Variants in TAS1R1 observed in about 807,000 individuals in gnomAD.
The protein encoded by TAS1R1 is taste 1 receptor member 1, also known as taste receptor type 1 member 1.
TAS1R1 carries 31 observed loss-of-function variants against 45.8 expected under a neutral mutation model. The observed-to-expected ratio is 0.68, with a 90% CI of 0.51 to 0.91. The LOEUF (loss-of-function observed/expected upper bound fraction) is 0.91, where lower values mean the gene tolerates loss of function less well. TAS1R1 is among the 40% of genes least tolerant of loss of function. TAS1R1 has a pLI of 0.00. For synonymous variants in TAS1R1, 437 were observed against 448.4 expected (o/e 0.97, Z 0.32); for missense variants, 1,051 against 1,063.9 (o/e 0.99, Z 0.17).
chr1:6,567,692 C>T (rs141852017), intron 1 of TAS1R1, among the ~76,000 whole-genome samples: 7 of 152,216 alleles, frequency 4.6e-5, no homozygotes, highest in African/African-American at 1.4e-4. Flanking sequence ...GCGGCTAGGT[C>T]AAGGAGCTGC....
At position 6,579,083 on chromosome 1, in the gene TAS1R1, A is replaced by G; in HGVS notation, c.2025A>G (p.Gln675=). 1 of 1,613,688 alleles carries G rather than the reference A, an allele frequency of 6.2e-7. No homozygotes were observed. The highest frequency in any genetic ancestry group is 8.5e-7 in the Non-Finnish European group (1 of 1,179,790). ...KVPTFYHAWV[Q]NHGAGLFVMI... is the part of the protein sequence containing the mutation. ...CTACATTCTACCACGCCTGGGTCCA[A>G]AACCACGGTGCTGGCCTGTTTGTGA... Residue 675 remains glutamine (Q), a synonymous_variant, in exon 6 of 6, where the codon CAA becomes CAG. Transcript: ENST00000333172.
chr1:6,572,846 G>C (rs532337549), intron 2 of TAS1R1, among the ~76,000 whole-genome samples: 2 of 152,054 alleles, frequency 1.3e-5, no homozygotes, highest in African/African-American at 4.8e-5. Context: ...GACCCAGCAA[G>C]GCCCAGATTG....
rs749849407 is a variant in TAS1R1, at chr1:6,574,719, T to C, written c.587T>C (p.Val196Ala). 1.2e-6 allele frequency: 2 copies of C among 1,614,240 alleles called. No individual in the cohort carries two copies. Among genetic ancestry groups the C allele is most frequent in the South Asian group, 2.2e-5 (2 of 91,090 alleles). The change falls in exon 3 of 6, where the codon GTG (valine) becomes GCG (alanine). Residue 196 changes from valine to alanine, a missense_variant. Coordinates refer to ENST00000333172, the MANE Select transcript of TAS1R1 (RefSeq NM_138697.4). This position sits in a 1 kb window ranked among gnomAD's most constrained non-coding sequence, Gnocchi z 4.3. ...LRTIPNDKYQ[V>A]ETMVLLLQKF... Reference sequence around the variant, plus strand: ...ACCATCCCCAATGACAAGTACCAGGTGGAGACCATGGTGCTGCTGCTGCAG... The same window carrying C: ...ACCATCCCCAATGACAAGTACCAGGCGGAGACCATGGTGCTGCTGCTGCAG...
chr1:6,573,489 A>C (rs1379229164), intron 2 of TAS1R1, among the ~76,000 whole-genome samples: 2 of 152,062 alleles, frequency 1.3e-5, no homozygotes, highest in Non-Finnish European at 2.9e-5. Context: ...GTCCGAACAT[A>C]GCACTTCTCT....
In TAS1R1 at chr1:6,576,586, A is replaced by G. The variant is rs778397558; in HGVS notation, c.1432A>G (p.Ile478Val). Residue 478 changes from isoleucine to valine, a missense_variant, in exon 4 of 6, where the codon ATA (isoleucine) becomes GTA (valine). Coordinates refer to ENST00000333172, the MANE Select transcript of TAS1R1 (RefSeq NM_138697.4). Reference protein sequence around the residue: ...SSTWSPVQLNINETKIQWHGK... With the variant: ...SSTWSPVQLNVNETKIQWHGK... ...CACATGGTCTCCAGTTCAGCTAAAC[A>G]TAAATGAGACCAAAATCCAGTGGCA... The G allele has an allele frequency of 4.3e-6, 7 of 1,614,010 alleles. No individual in the cohort carries two copies. In the South Asian group the frequency reaches 6.6e-5, roughly 15 times the overall value.
At chr1:6,566,133 G>A (rs1410104634) in intron 1 of TAS1R1, among the ~76,000 whole-genome samples, 1 of 152,154 alleles carries the variant, frequency 6.6e-6, no homozygotes, top group African/African-American at 2.4e-5. Context: ...GAAGACGGCT[G>A]GGGGAAAGGT....
rs115520318 is a variant in TAS1R1, at chr1:6,572,075, T to C, written c.498+860T>C. Among the ~76,000 whole-genome samples, 513 of 152,134 alleles carry C rather than the reference T, an allele frequency of 3.4e-3. 6 individuals are homozygous for C. The East Asian group carries it at 0.036, about 11-fold the overall frequency. ...GTGGTTGCCCTCATTCCTCTCCCTC[T>C]TCCAGGCCCTCTACCCTGAGCACTG... On this transcript the variant is annotated intron_variant, in intron 2 of 5. Coordinates refer to ENST00000333172, the MANE Select transcript of TAS1R1 (RefSeq NM_138697.4).
At chr1:6,569,356 G>T (rs1639950394) in intron 1 of TAS1R1, among the ~76,000 whole-genome samples, 1 of 152,180 alleles carries the variant, frequency 6.6e-6, no homozygotes, top group African/African-American at 2.4e-5. Flanking sequence ...AAGAAAGCCT[G>T]AACATAAGGA....
rs1241096909 is a variant in TAS1R1 at position 6,576,437 on chromosome 1, T to G, written c.1283T>G (p.Val428Gly). 2.5e-6 allele frequency: 4 copies of G among 1,614,158 alleles called. No individual in the cohort carries two copies. The highest frequency in any genetic ancestry group is 3.4e-6 in the Non-Finnish European group (4 of 1,180,028). The change falls in exon 4 of 6, where the codon GTG (valine) becomes GGG (glycine). Residue 428 changes from valine (V) to glycine (G), a missense_variant. By Grantham distance (109) the Val-to-Gly change is moderately radical. Coordinates refer to ENST00000333172, the MANE Select transcript of TAS1R1 (RefSeq NM_138697.4). ...PWQLLEQIHK[V>G]HFLLHKDTVA... The stretch of plus-strand genomic sequence containing the variant: ...CAGCTTTTGGAGCAGATCCACAAGG[T>G]GCATTTCCTTCTACACAAGGACACT...
intron 1 of TAS1R1, among the ~76,000 whole-genome samples, chr1:6,564,780 A>C (rs1285185484): frequency 6.6e-6 from 1 of 152,196 alleles, no homozygotes; most frequent in Non-Finnish European, 1.5e-5. Flanking sequence ...TGAAGAGGTC[A>C]GAAATGCTTC....
intron 4 of TAS1R1, 43 bp downstream of exon 4, chr1:6,576,670 C>A: frequency 6.3e-7 from 1 of 1,598,920 alleles, no homozygotes; most frequent in Non-Finnish European, 8.6e-7. Context: ...GGCTTATGGG[C>A]AACCTAGAGC....
chr1:6,576,204 TA>T (rs1444611441), intron 3 of TAS1R1, among the ~76,000 whole-genome samples: 1 of 152,234 alleles, frequency 6.6e-6, no homozygotes, highest in Non-Finnish European at 1.5e-5. Flanking sequence ...GATCCAGGGC[TA>T]AAACTGTCTG....
chr1:6,569,755 C>G (rs561526959), intron 1 of TAS1R1, among the ~76,000 whole-genome samples: 2 of 152,194 alleles, frequency 1.3e-5, no homozygotes, highest in South Asian at 2.1e-4. Flanking sequence ...GAACCGGAGG[C>G]CTGGAGGCCA....
intron 2 of TAS1R1, 59 bp downstream of exon 2, chr1:6,571,274 T>C: frequency 1.4e-6 from 2 of 1,480,256 alleles, no homozygotes; most frequent in South Asian, 1.4e-5. Context: ...GGCTGGGGCA[T>C]GTGGGCAAGA....
At chr1:6,570,802 A>G in intron 1 of TAS1R1, 107 bp from the exon 2 acceptor site, 3 of 1,014,688 alleles carry the variant, frequency 3.0e-6, no homozygotes, top group Non-Finnish European at 2.9e-6. Context: ...GACTGGACCG[A>G]TGACCTCAAA....
chr1:6,579,198 C>A lies in TAS1R1; in HGVS notation c.2140C>A (p.His714Asn), dbSNP rs757970497. Reference sequence around the variant, plus strand: ...TGCTAGGGAATACCAGCGCTTCCCCCATCTGGTGATGCTTGAGTGCACAGA... The same window carrying A: ...TGCTAGGGAATACCAGCGCTTCCCCAATCTGGTGATGCTTGAGTGCACAGA... ...LPAREYQRFP[H>N]LVMLECTETN... The change falls in exon 6 of 6, where the codon CAT becomes AAT. Residue 714 changes from histidine (H) to asparagine (N), a missense_variant. Coordinates refer to ENST00000333172, the MANE Select transcript of TAS1R1 (RefSeq NM_138697.4). The A allele has an allele frequency of 1.9e-6, 3 of 1,614,216 alleles. No individual in the cohort carries two copies. Among genetic ancestry groups the A allele is most frequent in the Admixed American group, 3.3e-5 (2 of 60,018 alleles).
At chr1:6,563,506 G>A (rs748112043) in intron 1 of TAS1R1, among the ~76,000 whole-genome samples, 21 of 152,194 alleles carry the variant, frequency 1.4e-4, no homozygotes, top group Non-Finnish European at 2.8e-4. Flanking sequence ...TCTAAAAGTT[G>A]TAAGGGGCTT....
Position 6,578,920 on chromosome 1 carries a change from GCTT to G in TAS1R1, c.1866_1868del (p.Phe623del), listed in dbSNP as rs1557813013. ...GCAGCAGGTAGTGGCAGCCTCTATG[GCTT>G]CTTTGGGGAACCCACAAGGCCTGCG... is the stretch of plus-strand genomic sequence containing the variant. On this transcript the variant is annotated inframe_deletion, in exon 6 of 6. Transcript: ENST00000333172. The G allele has an allele frequency of 6.2e-7, 1 of 1,613,354 alleles. No homozygotes were observed.
chr1:6,574,541 C>T lies in TAS1R1; in HGVS notation c.499-90C>T, dbSNP rs183620983. The T allele has an allele frequency of 2.8e-5, 41 of 1,469,860 alleles. No individual in the cohort carries two copies. Among genetic ancestry groups the T allele is most frequent in the East Asian group, 1.9e-4 (8 of 42,890 alleles). 91.1% of individuals were successfully genotyped at this position (1,469,860 alleles called of 1,614,324 possible). ...CTGAGGGGTGCTCTCCTGGTCTCCC[C>T]GGCTCCCTGTATCCCCACACCCAGC... On this transcript the variant is annotated intron_variant, in intron 2 of 5. Transcript: ENST00000333172. The surrounding 1 kb of genome is among the most constrained non-coding windows in gnomAD (Gnocchi z 4.3).
Sources: allele counts gnomAD v4.1 joint callset (sites outside exome capture counted in the v4.1 genomes callset), GRCh38; gene constraint gnomAD v4.1.1; non-coding constraint Gnocchi (gnomAD v3.1); transcripts MANE v1.5; gene names NCBI Gene and HGNC (gene_info 2026-07-23, HGNC 2026-07-21).